The following MAMLD1 variants were observed in gnomAD, a reference collection of about 807,000 sequenced individuals.
MAMLD1 encodes mastermind like domain containing 1.
MAMLD1 carries 14 observed loss-of-function variants against 45.0 expected under a neutral mutation model. That is an observed-to-expected ratio of 0.31 (90% CI 0.21 to 0.49). The LOEUF is 0.49. MAMLD1 is among the 20% of genes least tolerant of loss of function. MAMLD1 has a pLI of 0.99. For synonymous variants in MAMLD1, 254 were observed against 247.8 expected, an observed-to-expected ratio of 1.02 and a Z score of -0.24; for missense variants, 543 against 603.6, an observed-to-expected ratio of 0.90 and a Z score of 1.05.
Position 150,398,343 on chromosome X carries a change from G to GAAGAAAGAAGAA in MAMLD1, c.-64+34813_-64+34814insAAGAAAGAAGAA, listed in dbSNP as rs1569564636. Among the ~76,000 whole-genome samples, 29 of 56,470 alleles carry GAAGAAAGAAGAA rather than the reference G, an allele frequency of 5.1e-4. 1 individual carries two copies. The highest frequency in any genetic ancestry group is 1.8e-3 in the African/African-American group (29 of 16,074). The allele number at this position is 56,470 out of a possible 115,157, so 49.0% of individuals were successfully genotyped here. A position where few individuals can be genotyped will look rare whatever the true frequency, so the allele number is the denominator to read the frequency against. On this transcript the variant is annotated intron_variant, in intron 1 of 7. Coordinates refer to ENST00000370401, the MANE Select transcript of MAMLD1 (RefSeq NM_005491.5). ...AAGAAGAAGAAGAAGAAGAAGAAGA[G>GAAGAAAGAAGAA]GAAGAGGAAGAGGAAGAGGAAGAGG...
Position 150,396,712 on chromosome X carries a change from C to T in MAMLD1, c.-64+33182C>T, listed in dbSNP as rs186601006. Among the ~76,000 whole-genome samples the T allele has an allele frequency of 2.9e-3, 326 of 112,033 alleles. 6 individuals are homozygous for T. Among genetic ancestry groups the T allele is most frequent in the Admixed American group, 0.027 (288 of 10,614 alleles). On this transcript the variant is annotated intron_variant, in intron 1 of 7. Transcript: ENST00000370401. ...ATGGTGTTGGTGTTGAGCTCAGCTA[C>T]GTCCTACCTGTGTGGGGTTTTTATT...
chrX:150,446,276 A>G (rs989967049), intron 2 of MAMLD1, among the ~76,000 whole-genome samples: 6 of 112,210 alleles, frequency 5.3e-5, no homozygotes, highest in Non-Finnish European at 1.1e-4. Flanking sequence ...TGCAGCAAAC[A>G]CAATAGCTGT....
At chrX:150,481,824 C>T (rs1424841491) in intron 5 of MAMLD1, among the ~76,000 whole-genome samples, 3 of 90,806 alleles carry the variant, frequency 3.3e-5, no homozygotes, top group Non-Finnish European at 4.2e-5. Context: ...AGAGAGACCC[C>T]ATCTCAAAAA....
intron 2 of MAMLD1, among the ~76,000 whole-genome samples, chrX:150,452,596 C>CTT (rs34192611): frequency 1.7e-3 from 179 of 104,707 alleles, no homozygotes; most frequent in African/African-American, 5.4e-3. Flanking sequence ...TCTCTCCTCT[C>CTT]TTTTTTTTTT....
chrX:150,411,943 T>C (rs1440622539), intron 1 of MAMLD1, among the ~76,000 whole-genome samples: 1 of 112,203 alleles, frequency 8.9e-6, no homozygotes, highest in Non-Finnish European at 1.9e-5. Flanking sequence ...ATTTAGGGAA[T>C]AAAAATTTAA....
intron 1 of MAMLD1, among the ~76,000 whole-genome samples, chrX:150,428,585 A>G (rs897650380): frequency 4.5e-5 from 5 of 112,039 alleles, no homozygotes; most frequent in Admixed American, 9.5e-5. Context: ...TTGGATGCAA[A>G]AGGTGGCTTA....
intron 7 of MAMLD1, 106 bp from the exon 8 acceptor site, chrX:150,511,898 G>A (rs782609895): frequency 2.4e-4 from 163 of 683,548 alleles, no homozygotes; most frequent in Non-Finnish European, 3.1e-4. Flanking sequence ...AGCCAAGGGC[G>A]GGAGGTGAGA....
At chrX:150,503,583 C>T in intron 6 of MAMLD1, 66 bp downstream of exon 6, 1 of 652,427 alleles carries the variant, frequency 1.5e-6, no homozygotes, top group Admixed American at 2.6e-5. Context: ...CCTGCTCAGC[C>T]TGCCCGCCTG....
intron 1 of MAMLD1, among the ~76,000 whole-genome samples, chrX:150,367,752 T>C (rs895335187): frequency 1.9e-5 from 2 of 107,579 alleles, no homozygotes; most frequent in Non-Finnish European, 3.9e-5. Context: ...ATGTTCCCCT[T>C]CCTGTGTCCA....
chrX:150,367,830 A>G (rs2031615242), intron 1 of MAMLD1, among the ~76,000 whole-genome samples: 1 of 109,560 alleles, frequency 9.1e-6, no homozygotes, highest in African/African-American at 3.3e-5. Flanking sequence ...TGTCCTTGCG[A>G]TAGTTTGCTG....
chrX:150,436,415 A>G (rs2035125398), intron 1 of MAMLD1, among the ~76,000 whole-genome samples: 1 of 111,822 alleles, frequency 8.9e-6, no homozygotes, highest in African/African-American at 3.3e-5. Flanking sequence ...GGTATTGGTC[A>G]TTCTTCTTTA....
chrX:150,391,282 G>C (rs1557402172), intron 1 of MAMLD1, among the ~76,000 whole-genome samples: 1 of 111,338 alleles, frequency 9.0e-6, no homozygotes, highest in Non-Finnish European at 1.9e-5. Flanking sequence ...CTCTCTTTCT[G>C]GGTTTCCAAT....
rs192632034 is a variant in MAMLD1, at chrX:150,467,755, C to T, written c.172-1990C>T. On this transcript the variant is annotated intron_variant, in intron 3 of 7. Coordinates refer to ENST00000370401, the MANE Select transcript of MAMLD1 (RefSeq NM_005491.5). The stretch of plus-strand genomic sequence containing the variant: ...GAGGGGCCCTGCATCTGACCTGGGC[C>T]TTGTTGCCCTCTGGCTGAGCAACTC... 7.6e-3 allele frequency among the ~76,000 whole-genome samples: 857 copies of T among 112,112 alleles called. 6 individuals are homozygous for T. Among genetic ancestry groups the T allele is most frequent in the African/African-American group, 0.027 (829 of 30,875 alleles).
chrX:150,511,317 C>T (rs782530701), intron 7 of MAMLD1, among the ~76,000 whole-genome samples: 9 of 111,835 alleles, frequency 8.0e-5, no homozygotes, highest in African/African-American at 2.3e-4. Flanking sequence ...TCTTCTGCTC[C>T]GTGTCTCTCC....
chrX:150,465,645 G>A (rs1200913082), intron 3 of MAMLD1, among the ~76,000 whole-genome samples: 2 of 112,381 alleles, frequency 1.8e-5, no homozygotes, highest in East Asian at 5.6e-4. Context: ...GGCCTGTGAG[G>A]GCTCTGGCTG....
At chrX:150,361,962 T>C (rs2031016350), upstream of MAMLD1, among the ~76,000 whole-genome samples, 2 of 112,780 alleles carry the variant, frequency 1.8e-5, no homozygotes, top group Admixed American at 1.8e-4. Context: ...AACGGGAGAC[T>C]GGCCAGCGAG....
intron 6 of MAMLD1, among the ~76,000 whole-genome samples, chrX:150,507,462 G>C (rs587511): frequency 9.0e-6 from 1 of 110,669 alleles, no homozygotes; most frequent in Non-Finnish European, 1.9e-5. Flanking sequence ...TGGCTCCTTT[G>C]GCCAGGGACA....
intron 3 of MAMLD1, among the ~76,000 whole-genome samples, chrX:150,466,030 G>A (rs1245328015): frequency 8.9e-6 from 1 of 112,610 alleles, no homozygotes; most frequent in African/African-American, 3.2e-5. Context: ...AACCTCAGCG[G>A]CATCAGCCAC....
rs1253645255 is a variant in MAMLD1 at position 150,484,313 on chromosome X, CT to C, written c.2040+10515del. On this transcript the variant is annotated intron_variant, in intron 5 of 7. Transcript: ENST00000370401. ...AGCCATTTTAATCATTTCTTTTATT[CT>C]TTTGTTTGCTTTGTTGACTTTTAAT... Among the ~76,000 whole-genome samples the C allele has an allele frequency of 7.1e-5, 8 of 111,955 alleles. No homozygotes were observed. In the East Asian group the frequency reaches 8.4e-4, roughly 12 times the overall value.
Sources: allele counts gnomAD v4.1 joint callset (sites outside exome capture counted in the v4.1 genomes callset), GRCh38; gene constraint gnomAD v4.1.1; transcripts MANE v1.5; gene names NCBI Gene and HGNC (gene_info 2026-07-23, HGNC 2026-07-21).